Variants in UBAC2 observed in about 807,000 individuals in gnomAD.
The protein encoded by UBAC2 is UBA domain containing 2, also known as ubiquitin-associated domain-containing protein 2.
UBAC2 carries 26 observed loss-of-function variants against 44.0 expected under a neutral mutation model. The observed-to-expected ratio is 0.59, with a 90% CI of 0.43 to 0.82. The LOEUF (loss-of-function observed/expected upper bound fraction) is 0.82, where lower values mean the gene tolerates loss of function less well. Ranked by LOEUF, UBAC2 falls within the 40% of genes least tolerant of loss-of-function variation. UBAC2 has a pLI of 0.00. For synonymous variants in UBAC2, 155 were observed against 154.3 expected (o/e 1.00, Z -0.04); for missense variants, 329 against 419.4 (o/e 0.78, Z 1.88).
chr13:99,380,486 C>A (rs1343758384), intron 8 of UBAC2, among the ~76,000 whole-genome samples: 1 of 152,162 alleles, frequency 6.6e-6, no homozygotes, highest in Non-Finnish European at 1.5e-5. Flanking sequence ...TGCTCCAGTT[C>A]TTACTGTCTA....
chr13:99,385,169 G>C (rs538902501), intron 8 of UBAC2, 59 bp from the exon 9 acceptor site: 44 of 1,276,126 alleles, frequency 3.4e-5, no homozygotes, highest in Non-Finnish European at 4.7e-5. Flanking sequence ...AACATTTGGG[G>C]CCCAGGGATA....
chr13:99,368,688 AGTGTGTGTGTGTGTGT>A (rs35193753), intron 8 of UBAC2, among the ~76,000 whole-genome samples: 1 of 146,698 alleles, frequency 6.8e-6, no homozygotes, highest in South Asian at 2.2e-4. Flanking sequence ...CTCATGAGAG[AGTGTGTGTGTGTGTGT>A]GTGTGTGTGT....
chr13:99,293,797 TAAATA>T (rs1399094632), intron 4 of UBAC2, among the ~76,000 whole-genome samples: 1 of 150,822 alleles, frequency 6.6e-6, no homozygotes. Flanking sequence ...ATGAGAACTT[TAAATA>T]AAATATTTTC....
chr13:99,285,701 A>G (rs1490129941), intron 4 of UBAC2, among the ~76,000 whole-genome samples: 4 of 152,130 alleles, frequency 2.6e-5, no homozygotes, highest in Non-Finnish European at 4.4e-5. Context: ...CAGCTGGCTC[A>G]TTATCTGTTC....
At chr13:99,351,639 A>G (rs190139547) in intron 7 of UBAC2, 3 of 456,768 alleles carry the variant, frequency 6.6e-6, no homozygotes, top group Admixed American at 2.3e-5. Flanking sequence ...GAATTCTGTT[A>G]TATACCACAA....
chr13:99,225,974 T>C (rs2043106047), intron 1 of UBAC2, among the ~76,000 whole-genome samples: 1 of 152,172 alleles, frequency 6.6e-6, no homozygotes, highest in Non-Finnish European at 1.5e-5. Context: ...TTAAGTGCTA[T>C]GAAAAAAGCA....
chr13:99,378,859 T>A (rs1364121485), intron 8 of UBAC2, among the ~76,000 whole-genome samples: 1 of 152,264 alleles, frequency 6.6e-6, no homozygotes, highest in Non-Finnish European at 1.5e-5. Context: ...ACTTTTATAT[T>A]TATCCTTCAT....
At chr13:99,264,668 G>A (rs2043717492) in intron 4 of UBAC2, among the ~76,000 whole-genome samples, 1 of 152,108 alleles carries the variant, frequency 6.6e-6, no homozygotes, top group Admixed American at 6.5e-5. Context: ...CTTCTGTGAG[G>A]GGTCATCCAC....
chr13:99,319,339 G>T (rs2044538766), intron 6 of UBAC2, among the ~76,000 whole-genome samples: 1 of 152,216 alleles, frequency 6.6e-6, no homozygotes, highest in East Asian at 1.9e-4. Context: ...TCTTAGAAAA[G>T]ACTTAAATGA....
chr13:99,310,755 T>C (rs1266999581), intron 4 of UBAC2, among the ~76,000 whole-genome samples: 1 of 152,256 alleles, frequency 6.6e-6, no homozygotes, highest in Non-Finnish European at 1.5e-5. Context: ...CCAGTATTTT[T>C]TTTAGTTTAC....
At chr13:99,244,179 A>G (rs2043353170) in intron 3 of UBAC2, among the ~76,000 whole-genome samples, 1 of 152,158 alleles carries the variant, frequency 6.6e-6, no homozygotes, top group African/African-American at 2.4e-5. Context: ...TTAGTTGTGA[A>G]CACTAATACA....
At position 99,224,464 on chromosome 13, in the gene UBAC2, T is replaced by C. The variant is rs116915317; in HGVS notation, c.32-13963T>C. Among the ~76,000 whole-genome samples, 765 of 152,364 alleles carry C rather than the reference T, an allele frequency of 5.0e-3. 5 individuals carry two copies. The highest frequency in any genetic ancestry group is 0.017 in the Middle Eastern group (5 of 294). Reference sequence around the variant, plus strand: ...TTACTGTGAGAAGAGTGCTGAATTCTCCAACTATATTTGTGGATTTATCTA... The same window carrying C: ...TTACTGTGAGAAGAGTGCTGAATTCCCCAACTATATTTGTGGATTTATCTA... On this transcript the variant is annotated intron_variant, in intron 1 of 8. Transcript: ENST00000403766.
intron 7 of UBAC2, among the ~76,000 whole-genome samples, chr13:99,345,730 T>C (rs997108273): frequency 1.1e-4 from 15 of 136,510 alleles, no homozygotes; most frequent in African/African-American, 3.7e-4. Flanking sequence ...GTACTGTTTC[T>C]TTTTTTCTTT....
intron 4 of UBAC2, among the ~76,000 whole-genome samples, chr13:99,298,016 A>G (rs1040658275): frequency 6.6e-6 from 1 of 152,150 alleles, no homozygotes; most frequent in Admixed American, 6.5e-5. Context: ...GCAAAGGTTA[A>G]AAAGAACAGT....
chr13:99,255,903 G>A, intron 4 of UBAC2: 3 of 1,490,966 alleles, frequency 2.0e-6, no homozygotes, highest in South Asian at 1.4e-5. Flanking sequence ...ATGATACTTA[G>A]AAACTGTAAA....
chr13:99,248,306 C>G (rs539270746), intron 4 of UBAC2, among the ~76,000 whole-genome samples: 1 of 152,166 alleles, frequency 6.6e-6, no homozygotes, highest in Admixed American at 6.5e-5. Flanking sequence ...TCACTGTCAC[C>G]TCAAACTCCT....
intron 6 of UBAC2, among the ~76,000 whole-genome samples, chr13:99,325,334 A>ACCTCGTGATCCACCCG (rs1013809381): frequency 6.6e-6 from 1 of 151,742 alleles, no homozygotes; most frequent in African/African-American, 2.4e-5. Context: ...TGATCTCCTG[A>ACCTCGTGATCCACCCG]CCTCGTGATC....
chr13:99,279,279 C>T (rs2043922980), intron 4 of UBAC2, among the ~76,000 whole-genome samples: 1 of 152,058 alleles, frequency 6.6e-6, no homozygotes, highest in Admixed American at 6.5e-5. Flanking sequence ...TGTGATTGCA[C>T]AGAGCAAAGT....
rs181710226 is a variant in UBAC2 at position 99,303,313 on chromosome 13, G to A, written c.390-10784G>A. 3.9e-5 allele frequency among the ~76,000 whole-genome samples: 6 copies of A among 152,296 alleles called. No homozygotes were observed. In the East Asian group the frequency reaches 1.2e-3, roughly 29 times the overall value. ...TGGATGTGCAGCAAAGACCCACTTC[G>A]GCTTCATAGACGCGCTCCTTGGAAA... On this transcript the variant is annotated intron_variant, in intron 4 of 8. Coordinates refer to ENST00000403766, the MANE Select transcript of UBAC2 (RefSeq NM_001144072.2).
Sources: gnomAD v4.1 joint callset for allele counts (sites outside exome capture counted in the v4.1 genomes callset) on GRCh38, gnomAD v4.1.1 for gene constraint, MANE v1.5 for transcripts, NCBI Gene and HGNC (gene_info 2026-07-23, HGNC 2026-07-21) for gene names.